Variants in DLGAP4 observed in about 807,000 individuals in gnomAD.
DLGAP4 encodes disks large-associated protein 4.
In DLGAP4, 18 loss-of-function variants were observed where a neutral mutation model predicts 86.9. That is an observed-to-expected ratio of 0.21 (90% confidence interval 0.14 to 0.31). The LOEUF (loss-of-function observed/expected upper bound fraction) is 0.31. Among genes scored for constraint, DLGAP4 ranks in the 10% least tolerant of loss-of-function variants. The pLI, the probability that DLGAP4 is intolerant of heterozygous loss-of-function variation, is 1.00. For synonymous variants in DLGAP4, 548 were observed against 574.3 expected, an observed-to-expected ratio of 0.95 and a Z score of 0.65; for missense variants, 1,085 against 1,362.6, an observed-to-expected ratio of 0.80 and a Z score of 3.21.
At chr20:36,388,427 C>T (rs1269984079) in intron 2 of DLGAP4, among the ~76,000 whole-genome samples, 1 of 152,180 alleles carries the variant, frequency 6.6e-6, no homozygotes, top group Non-Finnish European at 1.5e-5. Flanking sequence ...GCCCCCAGAA[C>T]ACACGTCCCT....
intron 11 of DLGAP4, among the ~76,000 whole-genome samples, chr20:36,524,775 A>G (rs1481084773): frequency 6.6e-6 from 1 of 151,818 alleles, no homozygotes; most frequent in Non-Finnish European, 1.5e-5. Flanking sequence ...GGTGGTGCAC[A>G]CCTGTAATCC....
At chr20:36,497,922 G>A (rs565077420) in intron 8 of DLGAP4, 3 of 153,034 alleles carry the variant, frequency 2.0e-5, no homozygotes, top group Non-Finnish European at 4.4e-5. Flanking sequence ...TGGACCTGCA[G>A]ACCAAACTAG....
At chr20:36,396,287 G>A (rs2031946004) in intron 2 of DLGAP4, among the ~76,000 whole-genome samples, 1 of 38,548 alleles carries the variant, frequency 2.6e-5, no homozygotes, top group Admixed American at 2.8e-4. Context: ...ACATCTAAGA[G>A]GATGATCATC....
Position 36,496,739 on chromosome 20 carries a change from G to A in DLGAP4, c.1683G>A (p.Pro561=), listed in dbSNP as rs1452222455. Residue 561 remains proline, a synonymous_variant, in exon 8 of 13, where the codon CCG becomes CCA. Transcript: ENST00000339266. ...SSCLVAYKKT[P]PPVPPRTTSK... The stretch of plus-strand genomic sequence containing the variant: ...GCCTAGTGGCGTATAAGAAGACCCC[G>A]CCACCGGTCCCTCCACGCACCACTT... The A allele has an allele frequency of 8.1e-6, 13 of 1,608,292 alleles. No homozygotes were observed. Among genetic ancestry groups the A allele is most frequent in the African/African-American group, 1.3e-5 (1 of 74,778 alleles).
intron 2 of DLGAP4, among the ~76,000 whole-genome samples, chr20:36,381,445 C>T (rs1316528937): frequency 6.6e-6 from 1 of 152,146 alleles, no homozygotes; most frequent in African/African-American, 2.4e-5. Context: ...CAAGAAATAC[C>T]CACTAGTGGC....
intron 1 of DLGAP4, among the ~76,000 whole-genome samples, chr20:36,329,862 C>G (rs1470532976): frequency 1.3e-5 from 2 of 152,184 alleles, no homozygotes; most frequent in African/African-American, 4.8e-5. Flanking sequence ...GAAACCCCAT[C>G]TCTACTGAAA....
intron 7 of DLGAP4, among the ~76,000 whole-genome samples, chr20:36,460,021 C>G (rs1311921965): frequency 6.6e-6 from 1 of 152,180 alleles, no homozygotes; most frequent in Non-Finnish European, 1.5e-5. Context: ...ACAGATAGGG[C>G]TGGTGAGTCC....
chr20:36,399,412 T>G (rs1206891295), intron 2 of DLGAP4, among the ~76,000 whole-genome samples: 1 of 152,140 alleles, frequency 6.6e-6, no homozygotes, highest in African/African-American at 2.4e-5. Flanking sequence ...CCTCACATTC[T>G]GTGTAAGAAA....
chr20:36,394,000 C>G lies in DLGAP4; in HGVS notation c.-73+26725C>G, dbSNP rs922334824. Among the ~76,000 whole-genome samples the G allele has an allele frequency of 3.9e-5, 6 of 152,216 alleles. No homozygotes were observed. The highest frequency in any genetic ancestry group is 1.5e-5 in the Non-Finnish European group (1 of 68,028). On this transcript the variant is annotated intron_variant, in intron 2 of 12. Coordinates refer to ENST00000339266, the MANE Select transcript of DLGAP4 (RefSeq NM_001365621.2). This position sits in a 1 kb window ranked among gnomAD's most constrained non-coding sequence, Gnocchi z 4.4. ...TGCCCCCTCCCTCCTCCATGCCGCA[C>G]TGGCCTGCCTTCTATTTCTCAGAAC...
chr20:36,486,521 G>A (rs913911189), intron 7 of DLGAP4, among the ~76,000 whole-genome samples: 5 of 152,084 alleles, frequency 3.3e-5, no homozygotes, highest in African/African-American at 1.2e-4. Flanking sequence ...GCAAAAGGCT[G>A]GTGTGGCTGG....
intron 1 of DLGAP4, among the ~76,000 whole-genome samples, chr20:36,347,009 G>C (rs781806190): frequency 6.6e-5 from 10 of 152,214 alleles, no homozygotes; most frequent in Middle Eastern, 3.2e-3. Context: ...TCACTCCAGT[G>C]TGTGGTGTGG....
intron 7 of DLGAP4, among the ~76,000 whole-genome samples, chr20:36,462,865 G>A (rs2034162115): frequency 6.6e-6 from 1 of 152,258 alleles, no homozygotes; most frequent in Non-Finnish European, 1.5e-5. Flanking sequence ...GGCCCCGCAT[G>A]GCCTGGCACT....
chr20:36,440,462 G>A (rs1299243010), intron 5 of DLGAP4, among the ~76,000 whole-genome samples: 1 of 152,212 alleles, frequency 6.6e-6, no homozygotes, highest in Admixed American at 6.5e-5. Flanking sequence ...AGCCCTGCCT[G>A]TGTCAGTGAG....
intron 10 of DLGAP4, among the ~76,000 whole-genome samples, chr20:36,510,022 A>C (rs749936488): frequency 1.3e-5 from 2 of 151,114 alleles, no homozygotes; most frequent in African/African-American, 2.4e-5. Flanking sequence ...ACGCCCCACT[A>C]ATTTTGTATT....
In DLGAP4 at chr20:36,500,151, G is replaced by A; in HGVS notation, c.2100-48G>A. On this transcript the variant is annotated intron_variant, in intron 9 of 12. Coordinates refer to ENST00000339266, the MANE Select transcript of DLGAP4 (RefSeq NM_001365621.2). The surrounding 1 kb of genome is among the most constrained non-coding windows in gnomAD (Gnocchi z 4.6). ...GCGGCCTCTGGTCTCTGGCCCTCTT[G>A]GTGACTCACTCCTTCCTGTCCCCAC... 2 of 1,504,654 alleles carry A rather than the reference G, an allele frequency of 1.3e-6. No homozygotes were observed. Among genetic ancestry groups the A allele is most frequent in the East Asian group, 2.3e-5 (1 of 42,858 alleles). The allele number at this position is 1,504,654 out of a possible 1,614,324, so 93.2% of individuals were successfully genotyped here. A position where few individuals can be genotyped will look rare whatever the true frequency, so the allele number is the denominator to read the frequency against.
chr20:36,447,905 G>GT lies in DLGAP4; in HGVS notation c.1648+968_1648+969insT, dbSNP rs534266901. Among the ~76,000 whole-genome samples the GT allele has an allele frequency of 3.7e-4, 47 of 128,286 alleles. 1 individual carries two copies. The South Asian group carries it at 0.011, about 31-fold the overall frequency. 84.2% of individuals were successfully genotyped at this position (128,286 alleles called of 152,430 possible). A position where few individuals can be genotyped will look rare whatever the true frequency, so the allele number is the denominator to read the frequency against. On this transcript the variant is annotated intron_variant, in intron 7 of 12. Coordinates refer to ENST00000339266, the MANE Select transcript of DLGAP4 (RefSeq NM_001365621.2). ...CACCAGGGCCTATCAGGGGGGTGGG[G>GT]GGGGGGGAGACAAGGGGAGGGAGAG... is the stretch of plus-strand genomic sequence containing the variant.
At chr20:36,522,645 A>G (rs2037448935) in intron 10 of DLGAP4, among the ~76,000 whole-genome samples, 1 of 152,048 alleles carries the variant, frequency 6.6e-6, no homozygotes, top group South Asian at 2.1e-4. Flanking sequence ...CAGCCTCCCA[A>G]ATAGCTGGGA....
At chr20:36,427,922 G>A (rs1600515379) in intron 2 of DLGAP4, among the ~76,000 whole-genome samples, 2 of 151,864 alleles carry the variant, frequency 1.3e-5, no homozygotes, top group African/African-American at 2.4e-5. Context: ...CAGCCTGGGC[G>A]ACAAGAGCAA....
intron 10 of DLGAP4, among the ~76,000 whole-genome samples, chr20:36,510,583 G>A (rs976001020): frequency 2.0e-5 from 3 of 151,484 alleles, no homozygotes; most frequent in South Asian, 2.1e-4. Context: ...GCTAATTTTT[G>A]TATTTCTACT....
Sources: gnomAD v4.1 joint callset for allele counts (sites outside exome capture counted in the v4.1 genomes callset) on GRCh38, gnomAD v4.1.1 for gene constraint, Gnocchi (gnomAD v3.1) non-coding constraint, MANE v1.5 for transcripts, NCBI Gene and HGNC (gene_info 2026-07-23, HGNC 2026-07-21) for gene names.